CUL2: variants seen among roughly 807,000 people sequenced by gnomAD.
CUL2 encodes the protein cullin-2.
A neutral mutation model predicts 110.2 loss-of-function variants in CUL2; 22 were observed. That is an observed-to-expected ratio of 0.20 (90% confidence interval 0.14 to 0.28). The LOEUF (loss-of-function observed/expected upper bound fraction) is 0.28. CUL2 is among the 10% of genes least tolerant of loss of function. The pLI, the probability that CUL2 is intolerant of heterozygous loss-of-function variation, is 1.00. For synonymous variants in CUL2, 279 were observed against 293.2 expected, an observed-to-expected ratio of 0.95 and a Z score of 0.49; for missense variants, 631 against 905.5, an observed-to-expected ratio of 0.70 and a Z score of 3.89.
chr10:35,036,828 G>T (rs1373212019), intron 9 of CUL2, among the ~76,000 whole-genome samples: 1 of 151,992 alleles, frequency 6.6e-6, no homozygotes, highest in African/African-American at 2.4e-5. Flanking sequence ...CCACCTCCCA[G>T]ATTCAAGTGA....
At chr10:35,052,439 C>T (rs533718839) in intron 5 of CUL2, among the ~76,000 whole-genome samples, 1 of 152,246 alleles carries the variant, frequency 6.6e-6, no homozygotes, top group East Asian at 1.9e-4. Context: ...AAGTTCTGCT[C>T]ATGTACCAAG....
intron 1 of CUL2, among the ~76,000 whole-genome samples, chr10:35,081,306 C>G (rs2086942260): frequency 1.3e-5 from 2 of 152,176 alleles, no homozygotes; most frequent in Admixed American, 1.3e-4. Flanking sequence ...ACTTTAGACT[C>G]CCATAAGACT....
In CUL2 at chr10:35,081,324, C is replaced by T. The variant is rs2086942861; in HGVS notation, c.-23+8855G>A. 2.0e-5 allele frequency among the ~76,000 whole-genome samples: 3 copies of T among 152,208 alleles called. No individual in the cohort carries two copies. In the South Asian group the frequency reaches 6.2e-4, roughly 31 times the overall value. On this transcript the variant is annotated intron_variant, in intron 1 of 20. Transcript: ENST00000374749. Reference sequence around the variant, plus strand: ...TTAGACTCCCATAAGACTGCACAGCCTATACTTTGTTTCTTAAGTTTTCAC... The same window carrying T: ...TTAGACTCCCATAAGACTGCACAGCTTATACTTTGTTTCTTAAGTTTTCAC...
At chr10:35,100,683 AC>A (rs1323278024) in intron 2 of CUL2, among the ~76,000 whole-genome samples, 1 of 144,612 alleles carries the variant, frequency 6.9e-6, no homozygotes, top group Non-Finnish European at 1.5e-5. Flanking sequence ...AATCGCTTGA[AC>A]CCAGGAGGCA....
At chr10:35,034,551 A>G (rs2085570545) in intron 10 of CUL2, among the ~76,000 whole-genome samples, 1 of 152,232 alleles carries the variant, frequency 6.6e-6, no homozygotes, top group Non-Finnish European at 1.5e-5. Context: ...AGACAGTAAC[A>G]TTTGAAGTTA....
At chr10:35,060,400 A>G (rs1336853478) in intron 4 of CUL2, among the ~76,000 whole-genome samples, 1 of 152,238 alleles carries the variant, frequency 6.6e-6, no homozygotes, top group Non-Finnish European at 1.5e-5. Flanking sequence ...ACTACAAGTA[A>G]TTCAATATGC....
chr10:35,057,270 C>G (rs984880857), intron 4 of CUL2, among the ~76,000 whole-genome samples: 3 of 152,212 alleles, frequency 2.0e-5, no homozygotes, highest in African/African-American at 7.2e-5. Flanking sequence ...CTTTTCCTCA[C>G]AGAATAAAAT....
At chr10:35,044,898 T>C in intron 6 of CUL2, 30 bp from the exon 7 acceptor site, 1 of 1,523,248 alleles carries the variant, frequency 6.6e-7, no homozygotes, top group African/African-American at 1.4e-5. Context: ...AAAATATTCT[T>C]GAGAATACAA....
At chr10:35,025,673 T>C (rs576751610) in intron 16 of CUL2, among the ~76,000 whole-genome samples, 1 of 152,342 alleles carries the variant, frequency 6.6e-6, no homozygotes, top group South Asian at 2.1e-4. Flanking sequence ...ATTCTTTTGC[T>C]GATATTATTG....
At chr10:35,098,758 C>G (rs1468388421) in intron 2 of CUL2, among the ~76,000 whole-genome samples, 1 of 151,526 alleles carries the variant, frequency 6.6e-6, no homozygotes, top group Non-Finnish European at 1.5e-5. Flanking sequence ...TGGCGAAACC[C>G]CATCTCTACT....
intron 1 of CUL2, among the ~76,000 whole-genome samples, chr10:35,084,768 A>G (rs1230294695): frequency 1.3e-5 from 2 of 152,200 alleles, no homozygotes; most frequent in Admixed American, 1.3e-4. Flanking sequence ...TGAGCCAGTC[A>G]TAAGTCCTCA....
intron 12 of CUL2, 50 bp downstream of exon 12, chr10:35,032,385 T>G: frequency 6.8e-7 from 1 of 1,472,180 alleles, no homozygotes; most frequent in Non-Finnish European, 9.3e-7. Flanking sequence ...GTTCTCATTT[T>G]CTAATACTGA....
intron 4 of CUL2, 60 bp from the exon 5 acceptor site, chr10:35,054,599 C>A: frequency 1.2e-6 from 1 of 824,194 alleles, no homozygotes; most frequent in Non-Finnish European, 1.9e-6. Context: ...AAGCAAATGA[C>A]TTGCAACTTT....
At chr10:35,029,675 A>G in intron 14 of CUL2, 35 bp from the exon 15 acceptor site, 1 of 1,475,514 alleles carries the variant, frequency 6.8e-7, no homozygotes, top group Non-Finnish European at 9.2e-7. Context: ...ATGAATTCAA[A>G]AGAAAAATAA....
chr10:35,111,981 G>A (rs1334799817), intron 1 of CUL2, among the ~76,000 whole-genome samples: 1 of 152,188 alleles, frequency 6.6e-6, no homozygotes, highest in Non-Finnish European at 1.5e-5. Context: ...AGGAGTCACT[G>A]CTCAACTGTA....
At chr10:35,103,322 TTTTTTTTTTTA>T in intron 1 of CUL2, among the ~76,000 whole-genome samples, 1 of 118,184 alleles carries the variant, frequency 8.5e-6, no homozygotes, top group Non-Finnish European at 1.8e-5. Flanking sequence ...TTTTTTTTTT[TTTTTTTTTTTA>T]TTTTTTTTTG....
In CUL2 at chr10:35,070,584, C is replaced by T. The variant is rs937447022; in HGVS notation, c.119+615G>A. 2.4e-4 allele frequency among the ~76,000 whole-genome samples: 37 copies of T among 152,176 alleles called. 1 individual carries two copies. The highest frequency in any genetic ancestry group is 8.7e-4 in the African/African-American group (36 of 41,442). On this transcript the variant is annotated intron_variant, in intron 2 of 20. Transcript: ENST00000374749. Reference sequence around the variant, plus strand: ...GCTTCAGGGCATCCTAGAGAAATCACCAATCTGCATTGTTACATAAAACTC... The same window carrying T: ...GCTTCAGGGCATCCTAGAGAAATCATCAATCTGCATTGTTACATAAAACTC...
intron 16 of CUL2, among the ~76,000 whole-genome samples, chr10:35,028,508 A>C (rs1356180329): frequency 6.6e-6 from 1 of 152,226 alleles, no homozygotes; most frequent in Non-Finnish European, 1.5e-5. Context: ...GTTGAATTCT[A>C]AGCTTTCTTC....
At chr10:35,048,428 A>C (rs1398218909) in intron 6 of CUL2, among the ~76,000 whole-genome samples, 1 of 152,226 alleles carries the variant, frequency 6.6e-6, no homozygotes, top group Non-Finnish European at 1.5e-5. Context: ...CAATCACACT[A>C]AAAATTTACT....
Sources: gnomAD v4.1 joint callset for allele counts (sites outside exome capture counted in the v4.1 genomes callset) on GRCh38, gnomAD v4.1.1 for gene constraint, MANE v1.5 for transcripts, NCBI Gene and HGNC (gene_info 2026-07-23, HGNC 2026-07-21) for gene names.